SRGAP2: variants seen among roughly 807,000 people sequenced by gnomAD.
SRGAP2 encodes SLIT-ROBO Rho GTPase-activating protein 2.
Under a neutral mutation model 57.2 loss-of-function variants are expected in SRGAP2, and 15 were observed. That is an observed-to-expected ratio of 0.26 (90% CI 0.18 to 0.40). The LOEUF is 0.40. Ranked by LOEUF, SRGAP2 falls within the 10% of genes least tolerant of loss-of-function variation. SRGAP2 has a pLI of 1.00. For synonymous variants in SRGAP2, 249 were observed against 248.0 expected, an observed-to-expected ratio of 1.00 and a Z score of -0.04; for missense variants, 520 against 669.6, an observed-to-expected ratio of 0.78 and a Z score of 2.47.
chr1:206,460,977 C>T lies in SRGAP2; in HGVS notation c.2833-60C>T, dbSNP rs1572215173. 18 of 658,790 alleles carry T rather than the reference C, an allele frequency of 2.7e-5. 1 individual carries two copies. The highest frequency in any genetic ancestry group is 1.8e-4 in the South Asian group (10 of 57,042). The allele number at this position is 658,790 out of a possible 1,614,324, so 40.8% of individuals were successfully genotyped here. A position where few individuals can be genotyped will look rare whatever the true frequency, so the allele number is the denominator to read the frequency against. ...ATGCCTTGGCCTGTGTTGTTGAAAC[C>T]GGCTCCTTGGGGAATTCTCCCCTCA... On this transcript the variant is annotated intron_variant, in intron 22 of 22. Coordinates refer to ENST00000573034, the MANE Select transcript of SRGAP2 (RefSeq NM_015326.5).
In SRGAP2 at chr1:206,353,798, ATTTTTTT is replaced by A. The variant is rs566625693; in HGVS notation, c.423+10803_423+10809del. 6.6e-3 allele frequency among the ~76,000 whole-genome samples: 842 copies of A among 127,304 alleles called. 6 individuals carry two copies. Among genetic ancestry groups the A allele is most frequent in the African/African-American group, 0.024 (783 of 32,858 alleles). 83.5% of individuals were successfully genotyped at this position (127,304 alleles called of 152,430 possible). ...ATCCAATGAATTTTTTTTATTTCAG[ATTTTTTT>A]TTTTTTTTTTTTGAGATGGAGACTC... On this transcript the variant is annotated intron_variant, in intron 4 of 22. Transcript: ENST00000573034.
intron 21 of SRGAP2, among the ~76,000 whole-genome samples, chr1:206,456,862 C>A (rs1663883144): frequency 6.6e-6 from 1 of 152,174 alleles, no homozygotes; most frequent in Non-Finnish European, 1.5e-5. Context: ...TCTCTTTCGC[C>A]CCTGGGCGCT....
chr1:206,263,628 C>T (rs1231174070), intron 2 of SRGAP2, among the ~76,000 whole-genome samples: 4 of 150,942 alleles, frequency 2.7e-5, no homozygotes, highest in African/African-American at 9.7e-5. Flanking sequence ...GCAGCAGAAC[C>T]CAGCCCATTC....
At chr1:206,346,511 T>C (rs1293174793) in intron 4 of SRGAP2, among the ~76,000 whole-genome samples, 20 of 152,220 alleles carry the variant, frequency 1.3e-4, no homozygotes, top group Non-Finnish European at 2.4e-4. Flanking sequence ...TCTTGAAGAA[T>C]GAAGCATTAT....
intron 10 of SRGAP2, among the ~76,000 whole-genome samples, chr1:206,410,371 G>T (rs1026795386): frequency 6.6e-6 from 1 of 152,132 alleles, no homozygotes; most frequent in African/African-American, 2.4e-5. Flanking sequence ...CTTTTTACCC[G>T]TTGCCTTTTT....
chr1:206,460,292 C>A (rs1460939997), intron 22 of SRGAP2, among the ~76,000 whole-genome samples: 2 of 152,162 alleles, frequency 1.3e-5, no homozygotes, highest in Non-Finnish European at 2.9e-5. Flanking sequence ...TACAAAGGTT[C>A]TTTGGTTCTG....
rs984124125 is a variant in SRGAP2 at position 206,461,555 on chromosome 1, G to A, written c.*135G>A. 17 of 644,368 alleles carry A rather than the reference G, an allele frequency of 2.6e-5. 1 individual carries two copies. The highest frequency in any genetic ancestry group is 1.6e-4 in the East Asian group (6 of 38,502). The allele number at this position is 644,368 out of a possible 1,614,324, so 39.9% of individuals were successfully genotyped here. ...TGTTCTTGCAGGAATTAGCCTCCCC[G>A]TCTCCCAAAACCTTGAGAATGAAGC... On this transcript the variant is annotated 3_prime_UTR_variant, in exon 23 of 23. Transcript: ENST00000573034.
chr1:206,386,343 G>A (rs1223290030), intron 5 of SRGAP2, among the ~76,000 whole-genome samples: 4 of 150,422 alleles, frequency 2.7e-5, no homozygotes, highest in Non-Finnish European at 1.5e-5. Context: ...ACTACTAGCT[G>A]TATGAGCTTG....
rs1333635090 is a variant in SRGAP2 at position 206,433,725 on chromosome 1, G to A, written c.1556-3240G>A. Among the ~76,000 whole-genome samples the A allele has an allele frequency of 3.3e-5, 5 of 151,898 alleles. 1 individual carries two copies. The highest frequency in any genetic ancestry group is 5.9e-5 in the Non-Finnish European group (4 of 67,976). On this transcript the variant is annotated intron_variant, in intron 14 of 22. Transcript: ENST00000573034. Reference sequence around the variant, plus strand: ...CAGACAGTAACATATAAACCTAACTGTATTACAAGTGAATAACGTAACCAC... The same window carrying A: ...CAGACAGTAACATATAAACCTAACTATATTACAAGTGAATAACGTAACCAC...
rs1390162747 is a variant in SRGAP2 at position 206,281,935 on chromosome 1, C to A, written c.68-21346C>A. 1.7e-4 allele frequency among the ~76,000 whole-genome samples: 26 copies of A among 151,272 alleles called. 1 individual carries two copies. Among genetic ancestry groups the A allele is most frequent in the African/African-American group, 6.1e-4 (25 of 40,946 alleles). On this transcript the variant is annotated intron_variant, in intron 2 of 22. Coordinates refer to ENST00000573034, the MANE Select transcript of SRGAP2 (RefSeq NM_015326.5). ...TCACAAAAAAAAAAACAAAAAAAAA[C>A]CTTTTCTTTGTTGGAACCTGTAACA...
chr1:206,276,484 T>A (rs1670420257), intron 2 of SRGAP2, among the ~76,000 whole-genome samples: 1 of 118,732 alleles, frequency 8.4e-6, no homozygotes, highest in African/African-American at 3.2e-5. Context: ...GGGTAGGGGG[T>A]GGAGTTGAGG....
At position 206,451,061 on chromosome 1, in the gene SRGAP2, A is replaced by G. The variant is rs544064561; in HGVS notation, c.2179+596A>G. On this transcript the variant is annotated intron_variant, in intron 19 of 22. Transcript: ENST00000573034. ...AAGCCCAGGAGTTCAAGGCTGCAAC[A>G]AGCTATGATTGTACTACAGTACTCC... is the stretch of plus-strand genomic sequence containing the variant. 6.6e-5 allele frequency among the ~76,000 whole-genome samples: 10 copies of G among 150,676 alleles called. No homozygotes were observed. In the East Asian group the frequency reaches 2.0e-3, roughly 29 times the overall value.
intron 4 of SRGAP2, among the ~76,000 whole-genome samples, chr1:206,378,128 G>T (rs1334494076): frequency 1.4e-5 from 2 of 137,976 alleles, no homozygotes; most frequent in Admixed American, 7.5e-5. Context: ...CTGAGGTGGA[G>T]GGATCTTTAG....
At chr1:206,352,418 CAA>C (rs1444508633) in intron 4 of SRGAP2, among the ~76,000 whole-genome samples, 1 of 24,192 alleles carries the variant, frequency 4.1e-5, no homozygotes. Flanking sequence ...TCTATTTTTG[CAA>C]AGTTTTTTTC....
chr1:206,352,859 A>C (rs1179972594), intron 4 of SRGAP2, among the ~76,000 whole-genome samples: 1 of 151,966 alleles, frequency 6.6e-6, no homozygotes, highest in Non-Finnish European at 1.5e-5. Context: ...TCTGTCCCCC[A>C]GGCTGGAGTC....
chr1:206,353,622 A>C (rs1281818797), intron 4 of SRGAP2, among the ~76,000 whole-genome samples: 32 of 151,840 alleles, frequency 2.1e-4, no homozygotes, highest in Non-Finnish European at 4.3e-4. Context: ...TTGAACCCGG[A>C]AGGTGGAGTT....
chr1:206,383,770 C>T (rs1319421172), intron 4 of SRGAP2, among the ~76,000 whole-genome samples: 1 of 147,030 alleles, frequency 6.8e-6, no homozygotes, highest in African/African-American at 2.7e-5. Flanking sequence ...AAGGCTACCA[C>T]CCTTTTTCCC....
intron 3 of SRGAP2, among the ~76,000 whole-genome samples, chr1:206,314,222 C>A (rs1257187755): frequency 1.3e-5 from 2 of 151,384 alleles, no homozygotes; most frequent in East Asian, 1.9e-4. Flanking sequence ...GCATCCTCTG[C>A]CTCCCAGGTT....
At chr1:206,437,166 G>T (rs1267779889) in intron 15 of SRGAP2, 124 bp downstream of exon 15, 4 of 706,858 alleles carry the variant, frequency 5.7e-6, no homozygotes, top group South Asian at 1.5e-5. Context: ...TCTTCAGGGG[G>T]TACCTGCTGT....
Sources: gnomAD v4.1 joint callset for allele counts (sites outside exome capture counted in the v4.1 genomes callset) on GRCh38, gnomAD v4.1.1 for gene constraint, MANE v1.5 for transcripts, NCBI Gene and HGNC (gene_info 2026-07-23, HGNC 2026-07-21) for gene names.